LRRFIP2: variants seen among roughly 807,000 people sequenced by gnomAD.
The protein encoded by LRRFIP2 is leucine-rich repeat flightless-interacting protein 2.
LRRFIP2 carries 109 observed loss-of-function variants against 125.9 expected under a neutral mutation model. The observed-to-expected ratio is 0.87, with a 90% confidence interval of 0.74 to 1.01. The LOEUF (loss-of-function observed/expected upper bound fraction) is 1.01, where lower values mean the gene tolerates loss of function less well. LRRFIP2 is among the 50% of genes least tolerant of loss of function. The pLI is 0.00. For missense variants in LRRFIP2, 850 were observed against 862.3 expected (o/e 0.99, Z 0.18); for synonymous variants, 291 against 293.1 (o/e 0.99, Z 0.07).
intron 2 of LRRFIP2, among the ~76,000 whole-genome samples, chr3:37,142,048 T>G (rs1188981610): frequency 6.6e-6 from 1 of 152,184 alleles, no homozygotes; most frequent in Admixed American, 6.5e-5. Flanking sequence ...AGATGACTTT[T>G]CAGAGCCATA....
chr3:37,083,815 G>T lies in LRRFIP2; in HGVS notation c.1108-9C>A, dbSNP rs1350371011. 2 of 1,580,290 alleles carry T rather than the reference G, an allele frequency of 1.3e-6. No individual in the cohort carries two copies. The highest frequency in any genetic ancestry group is 1.7e-6 in the Non-Finnish European group (2 of 1,168,474). Reference sequence around the variant, plus strand: ...ACTTCAGACAAAGATTCCTAAATGAGAGTTAAGTCATCAGTCTGATATCTA... The same window carrying T: ...ACTTCAGACAAAGATTCCTAAATGATAGTTAAGTCATCAGTCTGATATCTA... On this transcript the variant is annotated splice_polypyrimidine_tract_variant and intron_variant, in intron 18 of 27. Coordinates refer to ENST00000336686, the MANE Select transcript of LRRFIP2 (RefSeq NM_006309.4).
intron 2 of LRRFIP2, among the ~76,000 whole-genome samples, chr3:37,130,681 C>T (rs1197902944): frequency 6.6e-6 from 1 of 152,148 alleles, no homozygotes; most frequent in Non-Finnish European, 1.5e-5. Flanking sequence ...CGAGTATATC[C>T]ATCCTGTCTA....
intron 1 of LRRFIP2, among the ~76,000 whole-genome samples, chr3:37,153,535 T>C (rs1317135234): frequency 6.6e-6 from 1 of 152,244 alleles, no homozygotes; most frequent in African/African-American, 2.4e-5. Flanking sequence ...CTTTTGAATG[T>C]ACTTCTTTCT....
chr3:37,161,011 C>T (rs553569917), intron 1 of LRRFIP2, among the ~76,000 whole-genome samples: 8 of 151,746 alleles, frequency 5.3e-5, no homozygotes, highest in African/African-American at 7.3e-5. Context: ...TAAGCAAATG[C>T]GGCATATCCA....
chr3:37,131,807 G>A (rs970506523), intron 2 of LRRFIP2, among the ~76,000 whole-genome samples: 21 of 152,176 alleles, frequency 1.4e-4, no homozygotes, highest in African/African-American at 4.8e-5. Context: ...AATGCTTATG[G>A]GAAGGAAGCA....
At chr3:37,096,048 T>C (rs1407558945) in intron 16 of LRRFIP2, among the ~76,000 whole-genome samples, 1 of 152,214 alleles carries the variant, frequency 6.6e-6, no homozygotes, top group Non-Finnish European at 1.5e-5. Context: ...TTTTTAAATG[T>C]GGCTACCAGA....
chr3:37,151,588 CTTTT>C (rs891172583), intron 1 of LRRFIP2, among the ~76,000 whole-genome samples: 33 of 145,200 alleles, frequency 2.3e-4, no homozygotes, highest in African/African-American at 7.6e-4. Flanking sequence ...ATGAAGATTT[CTTTT>C]TTTTTTCTTT....
intron 7 of LRRFIP2, among the ~76,000 whole-genome samples, chr3:37,114,027 G>A (rs1283670865): frequency 6.6e-6 from 1 of 152,092 alleles, no homozygotes; most frequent in African/African-American, 2.4e-5. Flanking sequence ...CCTATCAAGA[G>A]CCAAAGGCAA....
intron 6 of LRRFIP2, among the ~76,000 whole-genome samples, chr3:37,117,953 G>T (rs867590254): frequency 3.3e-5 from 5 of 152,030 alleles, no homozygotes; most frequent in South Asian, 2.1e-4. Context: ...ACACAAAATT[G>T]TAAGTATATT....
intron 1 of LRRFIP2, among the ~76,000 whole-genome samples, chr3:37,155,382 T>C (rs2096155707): frequency 6.6e-6 from 1 of 152,244 alleles, no homozygotes; most frequent in Non-Finnish European, 1.5e-5. Flanking sequence ...GCATGCACTG[T>C]CTAATAGCAT....
intron 2 of LRRFIP2, among the ~76,000 whole-genome samples, chr3:37,147,749 C>A (rs2150014688): frequency 6.6e-6 from 1 of 152,280 alleles, no homozygotes; most frequent in African/African-American, 2.4e-5. Flanking sequence ...CTAAGCAATT[C>A]TTATACCATA....
At chr3:37,081,235 C>G (rs1351733761) in intron 19 of LRRFIP2, among the ~76,000 whole-genome samples, 1 of 152,004 alleles carries the variant, frequency 6.6e-6, no homozygotes, top group African/African-American at 2.4e-5. Flanking sequence ...GAGCAAGACC[C>G]TGTCTGTAAA....
At chr3:37,080,711 T>C (rs1327378368) in intron 19 of LRRFIP2, among the ~76,000 whole-genome samples, 1 of 152,116 alleles carries the variant, frequency 6.6e-6, no homozygotes, top group African/African-American at 2.4e-5. Context: ...ACGGAAAAAC[T>C]TGTAAGACTG....
chr3:37,057,739 A>G (rs1051922235), intron 25 of LRRFIP2, among the ~76,000 whole-genome samples: 3 of 152,164 alleles, frequency 2.0e-5, no homozygotes, highest in Non-Finnish European at 4.4e-5. Context: ...CAAGATTTTA[A>G]TATTAGTTAT....
intron 1 of LRRFIP2, among the ~76,000 whole-genome samples, chr3:37,156,446 G>C (rs182053116): frequency 6.6e-6 from 1 of 151,694 alleles, no homozygotes; most frequent in East Asian, 1.9e-4. Flanking sequence ...GGCTGAGGCT[G>C]GCAGATCATG....
intron 9 of LRRFIP2, 112 bp downstream of exon 9, chr3:37,110,879 A>G (rs2094523365): frequency 1.2e-6 from 1 of 831,100 alleles, no homozygotes. Context: ...AAAAACTAGT[A>G]TATACGTAGC....
chr3:37,168,799 C>T (rs2096545125), intron 1 of LRRFIP2, among the ~76,000 whole-genome samples: 1 of 152,140 alleles, frequency 6.6e-6, no homozygotes, highest in Non-Finnish European at 1.5e-5. Flanking sequence ...GATGGGGCCT[C>T]ACTATGTTGC....
chr3:37,158,076 T>C (rs2096246902), intron 1 of LRRFIP2, among the ~76,000 whole-genome samples: 1 of 152,252 alleles, frequency 6.6e-6, no homozygotes. Context: ...ATGGGCTATA[T>C]GTTGGACATA....
intron 2 of LRRFIP2, among the ~76,000 whole-genome samples, chr3:37,135,507 T>C (rs544238388): frequency 6.6e-6 from 1 of 151,806 alleles, no homozygotes; most frequent in African/African-American, 2.4e-5. Context: ...ACATGTACTA[T>C]GGTTTATGTA....
Sources: allele counts gnomAD v4.1 joint callset (sites outside exome capture counted in the v4.1 genomes callset), GRCh38; gene constraint gnomAD v4.1.1; transcripts MANE v1.5; gene names NCBI Gene and HGNC (gene_info 2026-07-23, HGNC 2026-07-21).